The following STK39 variants were observed in gnomAD, a reference collection of about 807,000 sequenced individuals.
STK39 encodes the protein serine/threonine kinase 39.
In STK39, 20 loss-of-function variants were observed where a neutral mutation model predicts 77.8. The ratio of observed to expected loss-of-function variants is 0.26; its 90% CI spans 0.18 to 0.37. The LOEUF (loss-of-function observed/expected upper bound fraction) is 0.37. Ranked by LOEUF, STK39 falls within the 10% of genes least tolerant of loss-of-function variation. The pLI, the probability that STK39 is intolerant of heterozygous loss-of-function variation, is 1.00. For missense variants in STK39, 479 were observed against 656.5 expected, an observed-to-expected ratio of 0.73 and a Z score of 2.95; for synonymous variants, 246 against 234.1, an observed-to-expected ratio of 1.05 and a Z score of -0.47.
At position 168,247,348 on chromosome 2, in the gene STK39, C is replaced by T; in HGVS notation, c.88G>A (p.Ala30Thr). 1 of 1,047,192 alleles carries T rather than the reference C, an allele frequency of 9.5e-7. No homozygotes were observed. Among genetic ancestry groups the T allele is most frequent in the Non-Finnish European group, 1.2e-6 (1 of 868,364 alleles). 64.9% of individuals were successfully genotyped at this position (1,047,192 alleles called of 1,614,324 possible). A position where few individuals can be genotyped will look rare whatever the true frequency, so the allele number is the denominator to read the frequency against. The change falls in exon 1 of 18, where the codon GCC (alanine) becomes ACC (threonine). Residue 30 changes from alanine (A) to threonine (T), a missense_variant. By Grantham distance (58) the Ala-to-Thr change is moderately conservative. This residue lies in a region of STK39 where 96 missense variants were observed against 79.1 expected (regional missense o/e 1.21). Transcript: ENST00000355999. ...VTAAAAAAPA[A>T]ATAAPAPAAP... ...GCCGGGGCCGGCGCTGCTGTCGCGG[C>T]CGCCGGGGCCGCCGCCGCCGCCGCT...
At chr2:168,242,596 T>TATATATATATATATATAA (rs1690796732) in intron 1 of STK39, among the ~76,000 whole-genome samples, 2 of 95,816 alleles carry the variant, frequency 2.1e-5, no homozygotes, top group African/African-American at 8.1e-5. Context: ...TATATATATA[T>TATATATATATATATATAA]AAAGAGGCCA....
intron 10 of STK39, among the ~76,000 whole-genome samples, chr2:168,099,325 C>T (rs11885304): frequency 0.011 from 1,662 of 152,294 alleles, 16 homozygotes; most frequent in Middle Eastern, 0.044. Context: ...ATCTAGAGAG[C>T]GAAATCACCA....
intron 10 of STK39, among the ~76,000 whole-genome samples, chr2:168,105,891 T>A (rs1686957829): frequency 6.6e-6 from 1 of 152,228 alleles, no homozygotes; most frequent in Non-Finnish European, 1.5e-5. Flanking sequence ...TAAAGAACAA[T>A]GAGGGTTTCA....
At chr2:168,141,723 T>C (rs1386911597) in intron 5 of STK39, among the ~76,000 whole-genome samples, 1 of 152,164 alleles carries the variant, frequency 6.6e-6, no homozygotes, top group East Asian at 1.9e-4. Flanking sequence ...CACAGCGCAA[T>C]GTGCAGTCTG....
chr2:168,218,427 C>T (rs1056988729), intron 1 of STK39, among the ~76,000 whole-genome samples: 1 of 152,162 alleles, frequency 6.6e-6, no homozygotes, highest in Non-Finnish European at 1.5e-5. Context: ...AAAATAGTGA[C>T]CGTAGGGCAC....
chr2:167,960,210 C>A (rs149452239), intron 17 of STK39, among the ~76,000 whole-genome samples: 3 of 151,986 alleles, frequency 2.0e-5, no homozygotes, highest in African/African-American at 7.3e-5. Flanking sequence ...GAGCTGAAGC[C>A]CCTGACAGAC....
At chr2:168,186,967 T>C (rs1453478042) in intron 1 of STK39, among the ~76,000 whole-genome samples, 1 of 152,206 alleles carries the variant, frequency 6.6e-6, no homozygotes, top group Non-Finnish European at 1.5e-5. Flanking sequence ...GAGTTTAAAA[T>C]ATAAGAGACA....
intron 16 of STK39, among the ~76,000 whole-genome samples, chr2:167,998,433 TTATA>T (rs1158590206): frequency 6.6e-6 from 1 of 152,232 alleles, no homozygotes; most frequent in Non-Finnish European, 1.5e-5. Context: ...CTGTACTCTA[TTATA>T]ATGATAATAG....
At chr2:168,133,594 C>T (rs759337278) in intron 8 of STK39, among the ~76,000 whole-genome samples, 5 of 151,968 alleles carry the variant, frequency 3.3e-5, no homozygotes, top group Admixed American at 1.3e-4. Flanking sequence ...GGGCCAGGAG[C>T]GGTGGCTCAC....
Position 167,995,633 on chromosome 2 carries a change from TAGAAACTATACTG to T in STK39, c.1498+16988_1498+17000del, listed in dbSNP as rs149777465. Among the ~76,000 whole-genome samples the T allele has an allele frequency of 8.8e-3, 1,337 of 152,260 alleles. 16 individuals are homozygous for T. The highest frequency in any genetic ancestry group is 0.03 in the African/African-American group (1,263 of 41,536). ...AAGAGAGAGAAGATGGAGGTGGTTTTAGAAACTATACTGCCACCCAAAAAGGTACATTAAGAAG... is the reference window on the plus strand; with the variant it reads ...AAGAGAGAGAAGATGGAGGTGGTTTTCCACCCAAAAAGGTACATTAAGAAG... On this transcript the variant is annotated intron_variant, in intron 16 of 17. Transcript: ENST00000355999.
At chr2:168,228,805 A>C (rs1379064926) in intron 1 of STK39, among the ~76,000 whole-genome samples, 1 of 152,078 alleles carries the variant, frequency 6.6e-6, no homozygotes, top group East Asian at 1.9e-4. Context: ...AAATTAATTA[A>C]ATAAGCTTGG....
At chr2:168,236,958 A>T (rs193021312) in intron 1 of STK39, among the ~76,000 whole-genome samples, 1,553 of 152,176 alleles carry the variant, frequency 0.01, 25 homozygotes, top group African/African-American at 0.036. Flanking sequence ...TGAACTTTAA[A>T]GTAGTTTTTT....
intron 10 of STK39, among the ~76,000 whole-genome samples, chr2:168,095,029 GT>G (rs1686625059): frequency 1.3e-5 from 2 of 152,100 alleles, no homozygotes; most frequent in South Asian, 4.1e-4. Flanking sequence ...AATGTCACTT[GT>G]CCCCTGTCCT....
intron 17 of STK39, among the ~76,000 whole-genome samples, chr2:167,957,704 G>A (rs969863800): frequency 2.0e-5 from 3 of 152,186 alleles, no homozygotes; most frequent in Non-Finnish European, 4.4e-5. Flanking sequence ...ATCTTCATCA[G>A]AAATTTGGCA....
At chr2:167,961,959 C>G (rs547184318) in intron 17 of STK39, among the ~76,000 whole-genome samples, 25 of 152,328 alleles carry the variant, frequency 1.6e-4, no homozygotes, top group African/African-American at 6.0e-4. Context: ...CTGGTCTAGA[C>G]TCAAAGCCCA....
intron 1 of STK39, among the ~76,000 whole-genome samples, chr2:168,230,586 T>C (rs1205225243): frequency 6.6e-6 from 1 of 152,228 alleles, no homozygotes; most frequent in East Asian, 1.9e-4. Context: ...ACAATGGTCC[T>C]TACCTTAAGC....
intron 2 of STK39, among the ~76,000 whole-genome samples, chr2:168,178,964 T>C (rs148953833): frequency 3.9e-5 from 6 of 152,206 alleles, no homozygotes; most frequent in Non-Finnish European, 5.9e-5. Context: ...CGGGGATAGG[T>C]AGTCAGTGGG....
intron 14 of STK39, among the ~76,000 whole-genome samples, chr2:168,048,454 C>T (rs765307989): frequency 6.6e-6 from 1 of 151,982 alleles, no homozygotes; most frequent in Non-Finnish European, 1.5e-5. Context: ...CCTCGTGATC[C>T]GCCGGCCTTG....
intron 17 of STK39, among the ~76,000 whole-genome samples, chr2:167,959,420 C>T (rs1343764191): frequency 2.0e-5 from 3 of 151,922 alleles, no homozygotes; most frequent in African/African-American, 4.8e-5. Context: ...CCACCGCGCC[C>T]GGCCATCAGC....
Sources: allele counts gnomAD v4.1 joint callset (sites outside exome capture counted in the v4.1 genomes callset), GRCh38; gene constraint gnomAD v4.1.1; regional missense constraint gnomAD v4.1.1; transcripts MANE v1.5; gene names NCBI Gene and HGNC (gene_info 2026-07-23, HGNC 2026-07-21).